CSNK1G3: variants seen among roughly 807,000 people sequenced by gnomAD.
The protein encoded by CSNK1G3 is casein kinase 1 gamma 3.
A neutral mutation model predicts 64.3 loss-of-function variants in CSNK1G3; 23 were observed. The ratio of observed to expected loss-of-function variants is 0.36; its 90% confidence interval spans 0.26 to 0.51. CSNK1G3 has a LOEUF of 0.51. Ranked by LOEUF, CSNK1G3 falls within the 20% of genes least tolerant of loss-of-function variation. The pLI is 0.96. For missense variants in CSNK1G3, 357 were observed against 510.5 expected, an observed-to-expected ratio of 0.70 and a Z score of 2.90; for synonymous variants, 158 against 162.2, an observed-to-expected ratio of 0.97 and a Z score of 0.20.
chr5:123,607,474 G>A (rs1012819466), intron 12 of CSNK1G3, among the ~76,000 whole-genome samples: 1 of 152,104 alleles, frequency 6.6e-6, no homozygotes, highest in East Asian at 1.9e-4. Flanking sequence ...TGAAAACATT[G>A]TGCTAAATGA....
chr5:123,553,136 G>A, exon 3 of CSNK1G3: 2 of 1,402,676 alleles, frequency 1.4e-6, no homozygotes, highest in South Asian at 1.5e-5. Context: ...TGAATATGTG[G>A]CAATTAAGTT....
At chr5:123,586,336 T>C (rs1339570596) in intron 6 of CSNK1G3, among the ~76,000 whole-genome samples, 1 of 152,322 alleles carries the variant, frequency 6.6e-6, no homozygotes, top group Middle Eastern at 3.4e-3. Flanking sequence ...GTGGTAGTTA[T>C]GCAGGTGTGT....
At chr5:123,513,118 A>AT (rs1193311036) in intron 1 of CSNK1G3, among the ~76,000 whole-genome samples, 1 of 152,014 alleles carries the variant, frequency 6.6e-6, no homozygotes, top group African/African-American at 2.4e-5. Context: ...GGACACAGGG[A>AT]TTTACCTGTT....
At chr5:123,545,494 T>A (rs900210731) in exon 2 of CSNK1G3, 23 of 484,076 alleles carry the variant, frequency 4.8e-5, no homozygotes, top group Non-Finnish European at 8.3e-5. Flanking sequence ...CTAAGAAAAA[T>A]TTTACGAATG....
At chr5:123,546,022 G>C in intron 2 of CSNK1G3, 181 bp downstream of exon 2, 1 of 569,952 alleles carries the variant, frequency 1.8e-6, no homozygotes, top group South Asian at 2.4e-5. Flanking sequence ...GAATTCCCTA[G>C]TATAGGAGTG....
chr5:123,533,926 A>G (rs531242900), intron 1 of CSNK1G3, among the ~76,000 whole-genome samples: 2 of 151,606 alleles, frequency 1.3e-5, no homozygotes, highest in East Asian at 3.9e-4. Context: ...GGACTAGGCT[A>G]ATATTTCTGG....
chr5:123,572,253 A>G (rs998727370), intron 4 of CSNK1G3, among the ~76,000 whole-genome samples: 9 of 152,128 alleles, frequency 5.9e-5, no homozygotes, highest in Admixed American at 5.9e-4. Context: ...TTTTAATACA[A>G]GTGACTCTGT....
At chr5:123,567,740 C>T (rs987545353) in intron 4 of CSNK1G3, among the ~76,000 whole-genome samples, 9 of 152,104 alleles carry the variant, frequency 5.9e-5, no homozygotes, top group South Asian at 2.1e-4. Context: ...TATTATATTC[C>T]GTAATATGGG....
rs755940312 is a variant in CSNK1G3, at chr5:123,591,395, T to C, written c.1067T>C (p.Met356Thr). ...GAAGCACATCAACACAGAGATAAGA[T>C]GCAACAATCCAAAAACCAGGTTTGC... The change falls in exon 10 of 13, where the codon ATG becomes ACG. Residue 356 changes from methionine (M) to threonine (T), a missense_variant. Transcript: ENST00000345990. The C allele has an allele frequency of 1.9e-6, 3 of 1,608,334 alleles. No homozygotes were observed. The African/African-American group carries it at 4.0e-5, about 22-fold the overall frequency.
At chr5:123,522,051 T>G (rs1324452058) in intron 1 of CSNK1G3, among the ~76,000 whole-genome samples, 2 of 152,204 alleles carry the variant, frequency 1.3e-5, no homozygotes, top group South Asian at 2.1e-4. Context: ...AAAATGGCTT[T>G]CTTTTATTTT....
chr5:123,580,203 C>T (rs945700881), intron 6 of CSNK1G3, among the ~76,000 whole-genome samples: 1 of 151,922 alleles, frequency 6.6e-6, no homozygotes, highest in South Asian at 2.1e-4. Flanking sequence ...TATTCATTCA[C>T]CCATCTTTCC....
At chr5:123,520,261 A>G (rs377325814) in intron 1 of CSNK1G3, among the ~76,000 whole-genome samples, 1 of 152,208 alleles carries the variant, frequency 6.6e-6, no homozygotes, top group East Asian at 1.9e-4. Flanking sequence ...ATGTGCATAT[A>G]TACTATACAT....
rs141792188 is a variant in CSNK1G3 at position 123,517,683 on chromosome 5, C to T, written c.-248+5113C>T. On this transcript the variant is annotated intron_variant, in intron 1 of 12. Coordinates refer to ENST00000345990, the Ensembl canonical transcript of CSNK1G3. ...TGCAAGAAAAAGGAAATAGAACTTTCTTCGATAGACCCACACTGGAAGAAA... is the reference window on the plus strand; with the variant it reads ...TGCAAGAAAAAGGAAATAGAACTTTTTTCGATAGACCCACACTGGAAGAAA... Among the ~76,000 whole-genome samples, 820 of 152,174 alleles carry T rather than the reference C, an allele frequency of 5.4e-3. 5 individuals carry two copies. The highest frequency in any genetic ancestry group is 9.2e-3 in the Admixed American group (141 of 15,288).
At chr5:123,605,745 A>T (rs904311885) in intron 12 of CSNK1G3, among the ~76,000 whole-genome samples, 2 of 152,112 alleles carry the variant, frequency 1.3e-5, no homozygotes, top group African/African-American at 4.8e-5. Flanking sequence ...CATGTAGCAG[A>T]TCTCATCCCC....
At chr5:123,538,587 G>A (rs964465056) in intron 1 of CSNK1G3, among the ~76,000 whole-genome samples, 1 of 152,116 alleles carries the variant, frequency 6.6e-6, no homozygotes, top group Non-Finnish European at 1.5e-5. Context: ...GTCGGGGAGT[G>A]GGGAGCTAGG....
chr5:123,604,120 T>G (rs774779250), intron 10 of CSNK1G3, among the ~76,000 whole-genome samples: 15 of 151,968 alleles, frequency 9.9e-5, no homozygotes, highest in Non-Finnish European at 1.8e-4. Flanking sequence ...TGGTGAGAAT[T>G]GATTAGATAT....
chr5:123,584,700 C>T (rs751351236), intron 6 of CSNK1G3, among the ~76,000 whole-genome samples: 13 of 151,992 alleles, frequency 8.6e-5, no homozygotes, highest in East Asian at 3.8e-4. Context: ...GATTCAGTAG[C>T]GATGCTATCT....
At chr5:123,575,231 T>TA (rs2150728318) in intron 5 of CSNK1G3, among the ~76,000 whole-genome samples, 1 of 152,310 alleles carries the variant, frequency 6.6e-6, no homozygotes, top group East Asian at 1.9e-4. Context: ...TAGGAAAAAG[T>TA]AAAGGAAACA....
At chr5:123,576,911 A>G (rs1789271049) in intron 6 of CSNK1G3, among the ~76,000 whole-genome samples, 2 of 151,960 alleles carry the variant, frequency 1.3e-5, no homozygotes, top group African/African-American at 2.4e-5. Context: ...TAATATTTAC[A>G]TTTCCTTATT....
Sources: allele counts gnomAD v4.1 joint callset (sites outside exome capture counted in the v4.1 genomes callset), GRCh38; gene constraint gnomAD v4.1.1; transcripts MANE v1.5; gene names NCBI Gene and HGNC (gene_info 2026-07-23, HGNC 2026-07-21).